WDFY4: variants seen among roughly 807,000 people sequenced by gnomAD.
WDFY4 encodes WD repeat- and FYVE domain-containing protein 4.
In WDFY4, 169 loss-of-function variants were observed where a neutral mutation model predicts 351.9. The observed-to-expected ratio is 0.48, with a 90% CI of 0.42 to 0.55. The LOEUF (loss-of-function observed/expected upper bound fraction) is 0.55, where lower values mean the gene tolerates loss of function less well. Among genes scored for constraint, WDFY4 ranks in the 20% least tolerant of loss-of-function variants. WDFY4 has a pLI of 0.00. For missense variants in WDFY4, 3,803 were observed against 3,935.6 expected, an observed-to-expected ratio of 0.97 and a Z score of 0.90; for synonymous variants, 1,622 against 1,574.6, an observed-to-expected ratio of 1.03 and a Z score of -0.71.
At chr10:48,692,233 C>T (rs749404493) in intron 1 of WDFY4, among the ~76,000 whole-genome samples, 50 of 152,242 alleles carry the variant, frequency 3.3e-4, no homozygotes, top group Non-Finnish European at 3.1e-4. Context: ...CAGGGCACTG[C>T]CCTGCTGTCA....
chr10:48,723,303 T>G (rs2064153397), intron 4 of WDFY4, 130 bp from the exon 5 acceptor site: 24 of 1,195,616 alleles, frequency 2.0e-5, no homozygotes, highest in Non-Finnish European at 2.5e-5. Flanking sequence ...CATTTCACAC[T>G]TGAGGACTGG....
chr10:48,940,618 A>G (rs1461951487), intron 47 of WDFY4, among the ~76,000 whole-genome samples: 1 of 152,184 alleles, frequency 6.6e-6, no homozygotes, highest in East Asian at 1.9e-4. Flanking sequence ...GTACCTGAAT[A>G]GAACTGTGGC....
At chr10:48,693,613 A>G (rs2063254064) in intron 1 of WDFY4, among the ~76,000 whole-genome samples, 1 of 152,210 alleles carries the variant, frequency 6.6e-6, no homozygotes, top group East Asian at 1.9e-4. Context: ...GGCAAATTTG[A>G]ACAGCCGAAC....
At position 48,914,213 on chromosome 10, in the gene WDFY4, T is replaced by C. The variant is rs1198851782; in HGVS notation, c.7586+12350T>C. On this transcript the variant is annotated intron_variant, in intron 47 of 61. Coordinates refer to ENST00000325239, the MANE Select transcript of WDFY4 (RefSeq NM_001394531.1). ...TGTTCTGATTGGATAGTGATCAGTG[T>C]GAGGAAAAATCATGAAAAACTGCTG... 5 of 1,531,146 alleles carry C rather than the reference T, an allele frequency of 3.3e-6. No homozygotes were observed. The African/African-American group carries it at 5.5e-5, about 17-fold the overall frequency. 94.8% of individuals were successfully genotyped at this position (1,531,146 alleles called of 1,614,324 possible). A position where few individuals can be genotyped will look rare whatever the true frequency, so the allele number is the denominator to read the frequency against.
chr10:48,897,813 TG>T (rs1837161722), intron 45 of WDFY4, among the ~76,000 whole-genome samples: 1 of 152,258 alleles, frequency 6.6e-6, no homozygotes, highest in Non-Finnish European at 1.5e-5. Context: ...GGCCTTTTGC[TG>T]TGTCTTTTAG....
intron 1 of WDFY4, among the ~76,000 whole-genome samples, chr10:48,708,047 A>G (rs907236572): frequency 5.3e-5 from 8 of 152,292 alleles, no homozygotes; most frequent in Non-Finnish European, 7.3e-5. Flanking sequence ...TTACTAAACT[A>G]TATATTCATA....
At chr10:48,853,292 T>A (rs771557742) in intron 39 of WDFY4, among the ~76,000 whole-genome samples, 3 of 152,172 alleles carry the variant, frequency 2.0e-5, no homozygotes, top group Non-Finnish European at 4.4e-5. Flanking sequence ...TCTAGAGATA[T>A]CCCGCTGTGC....
At chr10:48,692,835 G>T (rs372954482) in intron 1 of WDFY4, among the ~76,000 whole-genome samples, 34 of 152,198 alleles carry the variant, frequency 2.2e-4, no homozygotes, top group African/African-American at 7.0e-4. Flanking sequence ...TACTGAGATC[G>T]TATCTTGATG....
intron 47 of WDFY4, chr10:48,909,742 G>C (rs1177683191): frequency 1.9e-5 from 3 of 155,250 alleles, no homozygotes; most frequent in Admixed American, 1.9e-4. Flanking sequence ...CCATTCATGA[G>C]GGACCCACCC....
In WDFY4 at chr10:48,734,894, A is replaced by G. The variant is rs529707805; in HGVS notation, c.1687+859A>G. Among the ~76,000 whole-genome samples the G allele has an allele frequency of 6.2e-5, 9 of 144,544 alleles. 1 individual carries two copies. The South Asian group carries it at 1.8e-3, about 29-fold the overall frequency. The allele number at this position is 144,544 out of a possible 152,430, so 94.8% of individuals were successfully genotyped here. A position where few individuals can be genotyped will look rare whatever the true frequency, so the allele number is the denominator to read the frequency against. Reference sequence around the variant, plus strand: ...GGGTTCAGGCAATTTACCTGCCTCAACCTCCCGAGTAGCTGGGACTACAGG... The same window carrying G: ...GGGTTCAGGCAATTTACCTGCCTCAGCCTCCCGAGTAGCTGGGACTACAGG... On this transcript the variant is annotated intron_variant, in intron 10 of 61. Transcript: ENST00000325239.
At position 48,957,151 on chromosome 10, in the gene WDFY4, A is replaced by G; in HGVS notation, c.8000A>G (p.Asp2667Gly). Residue 2667 changes from aspartate to glycine, a missense_variant, in exon 52 of 62, where the codon GAC (aspartate) becomes GGC (glycine). By Grantham distance (94) the Asp-to-Gly change is moderately conservative (BLOSUM62 -1). Around this residue, in one of 3 missense-constraint regions of WDFY4, gnomAD observed 3,054 missense variants for 3,148.6 expected, o/e 0.97. Coordinates refer to ENST00000325239, the MANE Select transcript of WDFY4 (RefSeq NM_001394531.1). ...ALQGGSFDVA[D>G]RMFHSVKSTW... The stretch of plus-strand genomic sequence containing the variant: ...CAGGGCGGAAGCTTCGACGTGGCAG[A>G]CAGAATGTTCCACAGTGTGAAGAGC... The G allele has an allele frequency of 6.4e-7, 1 of 1,550,660 alleles. No individual in the cohort carries two copies. The highest frequency in any genetic ancestry group is 8.7e-7 in the Non-Finnish European group (1 of 1,146,186).
chr10:48,728,885 T>C (rs371464234), intron 7 of WDFY4, among the ~76,000 whole-genome samples: 4 of 152,236 alleles, frequency 2.6e-5, no homozygotes, highest in Admixed American at 6.5e-5. Flanking sequence ...CGTGGGCTCA[T>C]TGGCTTTCCT....
rs993129729 is a variant in WDFY4, at chr10:48,868,279, C to T, written c.6741+937C>T. Among the ~76,000 whole-genome samples, 8 of 152,202 alleles carry T rather than the reference C, an allele frequency of 5.3e-5. No individual in the cohort carries two copies. The South Asian group carries it at 8.3e-4, about 16-fold the overall frequency. ...TAGCAACATAGCCTCCCAGGCTCTC[C>T]TGAGTGATGGGAGCAGCAGCTTACC... On this transcript the variant is annotated intron_variant, in intron 40 of 61. Transcript: ENST00000325239.
intron 1 of WDFY4, among the ~76,000 whole-genome samples, chr10:48,687,578 A>G (rs2063082926): frequency 6.6e-6 from 1 of 150,498 alleles, no homozygotes; most frequent in South Asian, 2.1e-4. Flanking sequence ...TGGATAACCA[A>G]GAGTCTTGGC....
chr10:48,757,559 A>G (rs148761114), intron 12 of WDFY4, among the ~76,000 whole-genome samples: 38 of 152,090 alleles, frequency 2.5e-4, no homozygotes, highest in South Asian at 1.5e-3. Flanking sequence ...CATTCTGACA[A>G]TAGTGTCTAT....
intron 3 of WDFY4, 53 bp downstream of exon 3, chr10:48,720,178 C>A: frequency 6.6e-7 from 1 of 1,514,382 alleles, no homozygotes. Context: ...TGCAGCCCTG[C>A]ATGCCCTCCC....
chr10:48,827,754 G>A (rs1418281490), intron 36 of WDFY4, among the ~76,000 whole-genome samples: 3 of 151,404 alleles, frequency 2.0e-5, no homozygotes, highest in Non-Finnish European at 4.4e-5. Flanking sequence ...GTTGACTACT[G>A]AGCAGTACAA....
intron 39 of WDFY4, among the ~76,000 whole-genome samples, chr10:48,866,704 G>GCT (rs1464232074): frequency 6.6e-6 from 1 of 152,180 alleles, no homozygotes; most frequent in Non-Finnish European, 1.5e-5. Flanking sequence ...GGAAGGTTGA[G>GCT]CTACTGCAAG....
chr10:48,819,646 T>C (rs1352687222), intron 32 of WDFY4, among the ~76,000 whole-genome samples: 1 of 152,162 alleles, frequency 6.6e-6, no homozygotes, highest in Admixed American at 6.5e-5. Context: ...CAACATTTTA[T>C]AAATATAAAA....
Sources: allele counts gnomAD v4.1 joint callset (sites outside exome capture counted in the v4.1 genomes callset), GRCh38; gene constraint gnomAD v4.1.1; regional missense constraint gnomAD v4.1.1; transcripts MANE v1.5; gene names NCBI Gene and HGNC (gene_info 2026-07-23, HGNC 2026-07-21).